SEMA3D: variants seen among roughly 807,000 people sequenced by gnomAD.
SEMA3D encodes semaphorin 3D.
In SEMA3D, 84 loss-of-function variants were observed where a neutral mutation model predicts 100.1. The ratio of observed to expected loss-of-function variants is 0.84; its 90% CI spans 0.70 to 1.01. The LOEUF (loss-of-function observed/expected upper bound fraction) is 1.01, where lower values mean the gene tolerates loss of function less well. Among genes scored for constraint, SEMA3D ranks in the 50% least tolerant of loss-of-function variants. The pLI is 0.00. For synonymous variants in SEMA3D, 312 were observed against 320.7 expected (o/e 0.97, Z 0.29); for missense variants, 875 against 934.1 (o/e 0.94, Z 0.82).
the SEMA3D span, among the ~76,000 whole-genome samples, chr7:85,237,850 T>C: frequency 6.6e-6 from 1 of 152,158 alleles, no homozygotes; most frequent in Non-Finnish European, 1.5e-5. Context: ...GAAACCACAA[T>C]TCCAAGGGAG....
At chr7:85,138,086 A>G (rs1789915644) in intron 2 of SEMA3D, among the ~76,000 whole-genome samples, 1 of 152,172 alleles carries the variant, frequency 6.6e-6, no homozygotes, top group African/African-American at 2.4e-5. Context: ...TCTTAAATCT[A>G]CTTCAGATAG....
intron 2 of SEMA3D, among the ~76,000 whole-genome samples, chr7:85,136,899 C>T (rs1789881370): frequency 6.6e-6 from 1 of 152,016 alleles, no homozygotes; most frequent in Non-Finnish European, 1.5e-5. Context: ...GACTGTAGTC[C>T]TGGACATCTT....
intron 17 of SEMA3D, among the ~76,000 whole-genome samples, chr7:85,010,299 G>A (rs1052260957): frequency 3.9e-5 from 6 of 151,920 alleles, no homozygotes; most frequent in African/African-American, 9.6e-5. Context: ...AAAGCTTTCC[G>A]GTTTTTCACC....
chr7:85,216,316 A>T, the SEMA3D span, among the ~76,000 whole-genome samples: 1 of 151,892 alleles, frequency 6.6e-6, no homozygotes, highest in Admixed American at 6.6e-5. Flanking sequence ...TTTACATGAA[A>T]AAACAAGTGA....
chr7:85,200,824 C>A, the SEMA3D span, among the ~76,000 whole-genome samples: 68 of 152,294 alleles, frequency 4.5e-4, no homozygotes, highest in African/African-American at 1.6e-3. Context: ...CCCAGTGTCT[C>A]CATGCTGTGT....
At chr7:85,142,182 C>A in intron 2 of SEMA3D, 1 of 984,396 alleles carries the variant, frequency 1.0e-6, no homozygotes, top group African/African-American at 1.7e-5. Context: ...GTGTCTCTTA[C>A]CAATTTCTAA....
intron 12 of SEMA3D, among the ~76,000 whole-genome samples, chr7:85,025,239 C>T (rs888942233): frequency 1.3e-5 from 2 of 151,998 alleles, no homozygotes; most frequent in African/African-American, 4.8e-5. Flanking sequence ...ATCTGTGTCT[C>T]TACCCGCTGT....
the SEMA3D span, among the ~76,000 whole-genome samples, chr7:85,242,920 G>A: frequency 6.6e-6 from 1 of 152,144 alleles, no homozygotes; most frequent in African/African-American, 2.4e-5. Flanking sequence ...ACATGATGTA[G>A]TAGAGAAAAG....
chr7:85,143,219 A>G, intron 2 of SEMA3D: 1 of 786,434 alleles, frequency 1.3e-6, no homozygotes, highest in Non-Finnish European at 1.5e-6. Flanking sequence ...AATGTCTAAC[A>G]TATATGCACT....
the SEMA3D span, among the ~76,000 whole-genome samples, chr7:85,201,805 C>T: frequency 6.6e-6 from 1 of 151,986 alleles, no homozygotes; most frequent in Non-Finnish European, 1.5e-5. Context: ...GGGCTCACTG[C>T]AGCCTTGATC....
At chr7:85,063,868 C>T (rs770525453) in intron 8 of SEMA3D, among the ~76,000 whole-genome samples, 3 of 152,250 alleles carry the variant, frequency 2.0e-5, no homozygotes, top group Non-Finnish European at 4.4e-5. Flanking sequence ...CTGAGCAAGG[C>T]GTTCATCATC....
At chr7:85,046,422 C>A (rs1199564347) in intron 9 of SEMA3D, among the ~76,000 whole-genome samples, 1 of 151,732 alleles carries the variant, frequency 6.6e-6, no homozygotes, top group Non-Finnish European at 1.5e-5. Context: ...ATTTTTTGAA[C>A]AAAATAATCT....
Position 85,042,292 on chromosome 7 carries a change from T to TA in SEMA3D, c.862-8_862-7insT. On this transcript the variant is annotated splice_polypyrimidine_tract_variant and splice_region_variant and intron_variant, in intron 9 of 18. Coordinates refer to ENST00000284136, the MANE Select transcript of SEMA3D (RefSeq NM_001384900.1). ...GTTGTCCTCCTACATCATTCTGACA[T>TA]GAAAAAAAAAATAAAGATAAATATT... is the stretch of plus-strand genomic sequence containing the variant. 1 of 1,561,918 alleles carries TA rather than the reference T, an allele frequency of 6.4e-7. No homozygotes were observed. Among genetic ancestry groups the TA allele is most frequent in the Admixed American group, 1.7e-5 (1 of 57,360 alleles).
At chr7:85,069,554 A>C (rs1005862810) in intron 6 of SEMA3D, among the ~76,000 whole-genome samples, 2 of 152,176 alleles carry the variant, frequency 1.3e-5, no homozygotes, top group South Asian at 4.1e-4. Flanking sequence ...AAACTGACTG[A>C]ATTAATGGTG....
At chr7:85,071,082 A>G (rs1791759719) in intron 6 of SEMA3D, among the ~76,000 whole-genome samples, 1 of 152,162 alleles carries the variant, frequency 6.6e-6, no homozygotes, top group South Asian at 2.1e-4. Context: ...GTGACTTTTA[A>G]GGAGCTATAA....
intron 2 of SEMA3D, chr7:85,142,757 A>G: frequency 1.0e-6 from 1 of 984,654 alleles, no homozygotes; most frequent in Non-Finnish European, 1.2e-6. Context: ...TTACACTAGA[A>G]AGATTCCCAG....
chr7:85,171,666 C>T (rs776646420), intron 1 of SEMA3D, among the ~76,000 whole-genome samples: 1 of 151,772 alleles, frequency 6.6e-6, no homozygotes, highest in Non-Finnish European at 1.5e-5. Context: ...CTTTATGTCG[C>T]CCACAAAATA....
At chr7:85,005,359 C>T (rs1789766595) in intron 18 of SEMA3D, among the ~76,000 whole-genome samples, 1 of 151,748 alleles carries the variant, frequency 6.6e-6, no homozygotes, top group East Asian at 1.9e-4. Context: ...AAAATGGGAC[C>T]CTTAAAATAA....
intron 3 of SEMA3D, among the ~76,000 whole-genome samples, chr7:85,117,792 GTATGTATGTATGTATGTATC>G (rs1188834088): frequency 6.7e-6 from 1 of 148,490 alleles, no homozygotes; most frequent in African/African-American, 2.6e-5. Flanking sequence ...ATGTATGTAT[GTATGTATGTATGTATGTATC>G]TATCTACCAT....
Sources: gnomAD v4.1 joint callset for allele counts (sites outside exome capture counted in the v4.1 genomes callset) on GRCh38, gnomAD v4.1.1 for gene constraint, MANE v1.5 for transcripts, NCBI Gene and HGNC (gene_info 2026-07-23, HGNC 2026-07-21) for gene names.